The following ARID1B variants were observed in gnomAD, a reference collection of about 807,000 sequenced individuals.
The protein encoded by ARID1B is AT-rich interactive domain-containing protein 1B.
Under a neutral mutation model 212.3 loss-of-function variants are expected in ARID1B, and 30 were observed. That is an observed-to-expected ratio of 0.14 (90% CI 0.11 to 0.19). ARID1B has a LOEUF of 0.19. Ranked by LOEUF, ARID1B falls within the 10% of genes least tolerant of loss-of-function variation. ARID1B has a pLI of 1.00. For missense variants in ARID1B, 2,891 were observed against 3,204.0 expected, an observed-to-expected ratio of 0.90 and a Z score of 2.36; for synonymous variants, 1,402 against 1,301.7, an observed-to-expected ratio of 1.08 and a Z score of -1.66.
chr6:156,803,357 A>G (rs111508827), intron 1 of ARID1B, among the ~76,000 whole-genome samples: 7 of 152,344 alleles, frequency 4.6e-5, no homozygotes, highest in South Asian at 2.1e-4. Context: ...GGATCTTGCA[A>G]AGATTGTAGT....
chr6:157,003,268 G>A (rs1330788336), intron 4 of ARID1B, among the ~76,000 whole-genome samples: 1 of 152,200 alleles, frequency 6.6e-6, no homozygotes, highest in Non-Finnish European at 1.5e-5. Context: ...CTGGAGCTAA[G>A]GATGCTCTTG....
At chr6:157,028,372 CAT>C (rs1437538004) in intron 4 of ARID1B, among the ~76,000 whole-genome samples, 2 of 152,062 alleles carry the variant, frequency 1.3e-5, no homozygotes, top group Admixed American at 1.3e-4. Context: ...AAAAATCAAT[CAT>C]GTAGAAATAA....
intron 4 of ARID1B, among the ~76,000 whole-genome samples, chr6:157,056,090 C>T (rs555911054): frequency 2.2e-4 from 34 of 152,150 alleles, no homozygotes; most frequent in Non-Finnish European, 3.8e-4. Flanking sequence ...ATCCCTTCTA[C>T]CCTATAAAGT....
In ARID1B at chr6:157,181,057, G is replaced by A. The variant is rs940353111; in HGVS notation, c.3593G>A (p.Arg1198Gln). The A allele has an allele frequency of 5.6e-6, 9 of 1,614,034 alleles. No homozygotes were observed. Among genetic ancestry groups the A allele is most frequent in the East Asian group, 2.2e-5 (1 of 44,894 alleles). The change falls in exon 12 of 20, where the codon CGA becomes CAA. Residue 1198 changes from arginine (R) to glutamine (Q), a missense_variant. Physicochemically the swap from Arg to Gln is conservative, Grantham distance 43. Coordinates refer to ENST00000636930, the MANE Select transcript of ARID1B (RefSeq NM_001374828.1). ...CCAGAGAGAAAGCTCTGGGTCGACCGATACCTCACCTTCATGGAAGAGAGA... is the reference window on the plus strand; with the variant it reads ...CCAGAGAGAAAGCTCTGGGTCGACCAATACCTCACCTTCATGGAAGAGAGA... Reference protein sequence around the residue: ...NEPERKLWVDRYLTFMEERGS... With the variant: ...NEPERKLWVDQYLTFMEERGS...
rs1583025138 is a variant in ARID1B, at chr6:156,778,779, C to T, written c.1099C>T (p.Gln367Ter). 6.6e-7 allele frequency: 1 copy of T among 1,513,190 alleles called. No individual in the cohort carries two copies. Among genetic ancestry groups the T allele is most frequent in the Non-Finnish European group, 8.9e-7 (1 of 1,128,550 alleles). The allele number at this position is 1,513,190 out of a possible 1,614,324, so 93.7% of individuals were successfully genotyped here. A position where few individuals can be genotyped will look rare whatever the true frequency, so the allele number is the denominator to read the frequency against. Reference protein sequence around the residue: ...AGAPGSMDPLQNSHEGYPNSQ... With the variant: ...AGAPGSMDPL ...GGCCCCCGGCAGCATGGACCCCCTG[C>T]AGAACTCCCACGAAGGGTACCCCAA... Residue 367 changes from glutamine to a stop codon, truncating the protein, a stop_gained, in exon 1 of 20, where the codon CAG becomes TAG. Coordinates refer to ENST00000636930, the MANE Select transcript of ARID1B (RefSeq NM_001374828.1). LOFTEE classifies it high-confidence loss of function.
intron 4 of ARID1B, among the ~76,000 whole-genome samples, chr6:157,004,892 TTTTTC>T (rs1562542174): frequency 0.019 from 544 of 28,230 alleles, 27 homozygotes; most frequent in African/African-American, 0.037. Context: ...TTCTTCTTCT[TTTTTC>T]TTTTTTTTTT....
intron 11 of ARID1B, among the ~76,000 whole-genome samples, chr6:157,179,510 AT>A (rs1792358925): frequency 1.3e-5 from 2 of 152,338 alleles, no homozygotes; most frequent in South Asian, 2.1e-4. Context: ...ATACATATAT[AT>A]TTTTTAAGCT....
intron 4 of ARID1B, among the ~76,000 whole-genome samples, chr6:156,961,490 C>T (rs1176449841): frequency 6.6e-6 from 1 of 152,154 alleles, no homozygotes; most frequent in Non-Finnish European, 1.5e-5. Context: ...GGCGCGGGGT[C>T]CTCTCCCGGG....
chr6:156,945,052 A>G (rs1792977080), intron 4 of ARID1B, among the ~76,000 whole-genome samples: 1 of 146,830 alleles, frequency 6.8e-6, no homozygotes, highest in Non-Finnish European at 1.5e-5. Flanking sequence ...CCTCCCGAGT[A>G]GCTGGGACTA....
chr6:156,992,875 C>G (rs1778351338), intron 4 of ARID1B, among the ~76,000 whole-genome samples: 1 of 151,884 alleles, frequency 6.6e-6, no homozygotes, highest in Non-Finnish European at 1.5e-5. Context: ...CTGCAGTTAG[C>G]CAAGTTTATG....
chr6:156,935,234 A>G (rs1050159927), intron 3 of ARID1B, among the ~76,000 whole-genome samples: 2 of 151,522 alleles, frequency 1.3e-5, no homozygotes, highest in Non-Finnish European at 2.9e-5. Context: ...CTGCACCACC[A>G]CACTCGGCTA....
chr6:157,130,715 T>C (rs924145254), intron 6 of ARID1B, among the ~76,000 whole-genome samples: 1 of 152,220 alleles, frequency 6.6e-6, no homozygotes, highest in Non-Finnish European at 1.5e-5. Flanking sequence ...AAATACAATA[T>C]GCCATTTAAC....
chr6:157,030,391 G>A (rs1780951486), intron 4 of ARID1B: 1 of 152,248 alleles, frequency 6.6e-6, no homozygotes, highest in Non-Finnish European at 1.5e-5. Context: ...CATAAATCCA[G>A]TCCAGATTGA....
At chr6:156,972,005 G>GAC (rs1329334399) in intron 4 of ARID1B, among the ~76,000 whole-genome samples, 1 of 152,172 alleles carries the variant, frequency 6.6e-6, no homozygotes, top group Non-Finnish European at 1.5e-5. Context: ...AATCCTGGGG[G>GAC]ACATCACAGA....
intron 4 of ARID1B, among the ~76,000 whole-genome samples, chr6:156,987,589 C>T (rs952887488): frequency 1.3e-5 from 2 of 152,214 alleles, no homozygotes; most frequent in East Asian, 3.9e-4. Context: ...CTCGGCCTCC[C>T]AAAGTGCTGG....
intron 2 of ARID1B, among the ~76,000 whole-genome samples, chr6:156,890,693 CT>C (rs1339752175): frequency 2.6e-4 from 40 of 152,188 alleles, no homozygotes; most frequent in African/African-American, 9.7e-4. Context: ...CTGCCTGACC[CT>C]TTTGTATACT....
chr6:157,202,862 T>TAC (rs543556338), intron 18 of ARID1B, among the ~76,000 whole-genome samples: 247 of 151,168 alleles, frequency 1.6e-3, no homozygotes, highest in African/African-American at 5.0e-3. Context: ...TAGAAATATA[T>TAC]ACACACACAC....
At chr6:156,867,156 T>C (rs770794907) in intron 2 of ARID1B, among the ~76,000 whole-genome samples, 12 of 152,212 alleles carry the variant, frequency 7.9e-5, no homozygotes, top group Non-Finnish European at 1.6e-4. Context: ...ACACATGACA[T>C]ATCTGGACCT....
intron 5 of ARID1B, among the ~76,000 whole-genome samples, 166 bp from the exon 6 acceptor site, chr6:157,110,306 T>A (rs1014098921): frequency 3.3e-5 from 5 of 152,232 alleles, no homozygotes; most frequent in Admixed American, 6.5e-5. Context: ...CCTCTTTGTT[T>A]CCCAGGGAAA....
Sources: gnomAD v4.1 joint callset for allele counts (sites outside exome capture counted in the v4.1 genomes callset) on GRCh38, gnomAD v4.1.1 for gene constraint, MANE v1.5 for transcripts, NCBI Gene and HGNC (gene_info 2026-07-23, HGNC 2026-07-21) for gene names.